TBC1D14: variants seen among roughly 807,000 people sequenced by gnomAD.
TBC1D14 encodes TBC1 domain family, member 14.
TBC1D14 carries 26 observed loss-of-function variants against 79.0 expected under a neutral mutation model. That is an observed-to-expected ratio of 0.33 (90% CI 0.24 to 0.46). TBC1D14 has a LOEUF of 0.46. Ranked by LOEUF, TBC1D14 falls within the 20% of genes least tolerant of loss-of-function variation. The probability of loss-of-function intolerance (pLI) is 1.00; values close to 1 mark genes in which losing one functional copy is unlikely to be tolerated. For missense variants in TBC1D14, 769 were observed against 887.6 expected (o/e 0.87, Z 1.70); for synonymous variants, 394 against 349.9 (o/e 1.13, Z -1.40).
intron 11 of TBC1D14, among the ~76,000 whole-genome samples, chr4:7,013,059 G>A (rs1181988683): frequency 2.0e-5 from 3 of 152,216 alleles, no homozygotes; most frequent in African/African-American, 7.2e-5. Context: ...CTTTGGAAAT[G>A]TGGTAGAAAT....
intron 2 of TBC1D14, among the ~76,000 whole-genome samples, chr4:6,942,633 G>T (rs1713017751): frequency 1.3e-5 from 2 of 152,174 alleles, no homozygotes. Flanking sequence ...CTCCTTTTAG[G>T]TTTCAGATCT....
At chr4:7,010,075 C>A in intron 10 of TBC1D14, 127 bp downstream of exon 10, 2 of 1,041,634 alleles carry the variant, frequency 1.9e-6, no homozygotes, top group Non-Finnish European at 2.9e-6. Flanking sequence ...TGAAAAGTCT[C>A]GTGGTAAGTG....
chr4:6,925,203 G>A (rs1345845263), intron 2 of TBC1D14, among the ~76,000 whole-genome samples: 2 of 150,998 alleles, frequency 1.3e-5, no homozygotes, highest in African/African-American at 5.0e-5. Flanking sequence ...GGAGGCAGAG[G>A]TTGCGGTGAG....
intron 3 of TBC1D14, among the ~76,000 whole-genome samples, chr4:6,989,198 T>C (rs1011286903): frequency 6.6e-6 from 1 of 152,160 alleles, no homozygotes; most frequent in African/African-American, 2.4e-5. Flanking sequence ...ACTGTGCAGA[T>C]CACACGTGGA....
At position 7,030,526 on chromosome 4, in the gene TBC1D14, C is replaced by T; in HGVS notation, c.*134C>T. On this transcript the variant is annotated 3_prime_UTR_variant, in exon 14 of 14. Coordinates refer to ENST00000409757, the MANE Select transcript of TBC1D14 (RefSeq NM_020773.3). Reference sequence around the variant, plus strand: ...TTTGATTCCTAACACTGGAGTTGGCCTTAAACAAAACAAACACAAAAACTT... The same window carrying T: ...TTTGATTCCTAACACTGGAGTTGGCTTTAAACAAAACAAACACAAAAACTT... 2.3e-6 allele frequency: 2 copies of T among 877,458 alleles called. No individual in the cohort carries two copies. Among genetic ancestry groups the T allele is most frequent in the Non-Finnish European group, 3.5e-6 (2 of 566,266 alleles). The allele number at this position is 877,458 out of a possible 1,614,324, so 54.4% of individuals were successfully genotyped here.
chr4:6,959,691 G>A (rs1715003288), intron 2 of TBC1D14, among the ~76,000 whole-genome samples: 1 of 152,220 alleles, frequency 6.6e-6, no homozygotes, highest in Non-Finnish European at 1.5e-5. Flanking sequence ...TACTTAGACT[G>A]TGGAATAAAC....
chr4:6,911,300 C>G (rs1722968996), intron 1 of TBC1D14, among the ~76,000 whole-genome samples: 1 of 152,146 alleles, frequency 6.6e-6, no homozygotes, highest in Non-Finnish European at 1.5e-5. Context: ...GGCGAAAACA[C>G]CTTTTGGGAA....
chr4:6,959,164 C>T (rs758562644), intron 2 of TBC1D14, among the ~76,000 whole-genome samples: 3 of 152,236 alleles, frequency 2.0e-5, no homozygotes, highest in Non-Finnish European at 4.4e-5. Context: ...GGATTACAGG[C>T]GTGAGCCACC....
intron 11 of TBC1D14, among the ~76,000 whole-genome samples, chr4:7,012,381 A>T (rs1339702666): frequency 3.9e-5 from 6 of 152,206 alleles, no homozygotes. Context: ...CTTTTGGAAG[A>T]CAACTTGGTA....
At chr4:6,915,891 G>T (rs1024947878) in intron 1 of TBC1D14, among the ~76,000 whole-genome samples, 2 of 151,666 alleles carry the variant, frequency 1.3e-5, no homozygotes, top group Non-Finnish European at 2.9e-5. Flanking sequence ...GAGGTGGGCA[G>T]ATCACCTGAG....
intron 3 of TBC1D14, among the ~76,000 whole-genome samples, chr4:6,978,032 C>T (rs1376865152): frequency 1.3e-5 from 2 of 150,526 alleles, no homozygotes; most frequent in African/African-American, 4.9e-5. Flanking sequence ...ACGTGAGGAG[C>T]GACTCCGCCC....
chr4:6,926,463 T>C (rs1191720354), intron 2 of TBC1D14, among the ~76,000 whole-genome samples: 1 of 152,254 alleles, frequency 6.6e-6, no homozygotes, highest in East Asian at 1.9e-4. Flanking sequence ...TACTCAGCTT[T>C]GTGCTGCAGG....
At chr4:6,980,159 G>A (rs1717234293) in intron 3 of TBC1D14, among the ~76,000 whole-genome samples, 1 of 152,110 alleles carries the variant, frequency 6.6e-6, no homozygotes, top group Non-Finnish European at 1.5e-5. Context: ...TGGGATATAA[G>A]AGAAGCTTAA....
intron 12 of TBC1D14, among the ~76,000 whole-genome samples, chr4:7,018,156 G>A (rs1206562083): frequency 2.0e-5 from 3 of 152,152 alleles, no homozygotes; most frequent in African/African-American, 7.2e-5. Context: ...CTTTCCCAGA[G>A]ACACGTCCAC....
At chr4:6,922,074 A>T (rs1723911596) in intron 1 of TBC1D14, among the ~76,000 whole-genome samples, 1 of 151,702 alleles carries the variant, frequency 6.6e-6, no homozygotes, top group Admixed American at 6.6e-5. Flanking sequence ...TTTTTTAGAG[A>T]TAGTGTCTTT....
intron 7 of TBC1D14, among the ~76,000 whole-genome samples, chr4:7,002,891 A>T (rs1719813518): frequency 6.6e-6 from 1 of 151,934 alleles, no homozygotes; most frequent in South Asian, 2.1e-4. Context: ...CCTTGACCTC[A>T]TTTTCCTCTA....
At chr4:7,028,777 G>A (rs910326612) in intron 13 of TBC1D14, among the ~76,000 whole-genome samples, 18 of 151,946 alleles carry the variant, frequency 1.2e-4, no homozygotes, top group Non-Finnish European at 2.4e-4. Flanking sequence ...TGTGGTCCAT[G>A]CACATTTCTC....
chr4:6,928,806 G>A (rs909161061), intron 2 of TBC1D14, among the ~76,000 whole-genome samples: 2 of 152,210 alleles, frequency 1.3e-5, no homozygotes, highest in Non-Finnish European at 2.9e-5. Flanking sequence ...AGGATACAGG[G>A]AAATAGGAAC....
At chr4:7,002,953 C>T (rs534052374) in intron 7 of TBC1D14, among the ~76,000 whole-genome samples, 24 of 152,224 alleles carry the variant, frequency 1.6e-4, no homozygotes, top group African/African-American at 5.1e-4. Context: ...GTCTCTGGCT[C>T]GTGTGTGTGG....
Sources: allele counts gnomAD v4.1 joint callset (sites outside exome capture counted in the v4.1 genomes callset), GRCh38; gene constraint gnomAD v4.1.1; transcripts MANE v1.5; gene names NCBI Gene and HGNC (gene_info 2026-07-23, HGNC 2026-07-21).